Variants in SHOC1 observed in about 807,000 individuals in gnomAD.
SHOC1 encodes protein shortage in chiasmata 1 ortholog.
A neutral mutation model predicts 179.2 loss-of-function variants in SHOC1; 136 were observed. The ratio of observed to expected loss-of-function variants is 0.76; its 90% CI spans 0.66 to 0.87. SHOC1 has a LOEUF of 0.87. Ranked by LOEUF, SHOC1 falls within the 40% of genes least tolerant of loss-of-function variation. The pLI, the probability that SHOC1 is intolerant of heterozygous loss-of-function variation, is 0.00. For synonymous variants in SHOC1, 489 were observed against 586.6 expected, an observed-to-expected ratio of 0.83 and a Z score of 2.41; for missense variants, 1,538 against 1,700.8, an observed-to-expected ratio of 0.90 and a Z score of 1.68.
chr9:111,766,475 T>C (rs563663034), intron 5 of SHOC1, among the ~76,000 whole-genome samples: 21 of 152,348 alleles, frequency 1.4e-4, no homozygotes, highest in Middle Eastern at 3.4e-3. Context: ...CTCTCCATAG[T>C]GGCTGTTCTA....
intron 5 of SHOC1, chr9:111,759,621 A>G (rs1009346296): frequency 1.0e-6 from 1 of 976,148 alleles, no homozygotes; most frequent in Admixed American, 5.7e-5. Context: ...AGAGAAAAAG[A>G]AAAATATAAG....
rs1245540746 is a variant in SHOC1 at position 111,714,590 on chromosome 9, C to G, written c.2270G>C (p.Ser757Thr). The G allele has an allele frequency of 2.5e-6, 4 of 1,613,488 alleles. No individual in the cohort carries two copies. The highest frequency in any genetic ancestry group is 1.6e-4 in the Middle Eastern group (1 of 6,074). Residue 757 changes from serine to threonine, a missense_variant, in exon 17 of 28, where the codon AGC (serine) becomes ACC (threonine). Transcript: ENST00000682961. Reference protein sequence around the residue: ...YLSKAKDIYNSILGPYLGDIW... With the variant: ...YLSKAKDIYNTILGPYLGDIW... Reference sequence around the variant, plus strand: ...GTCACCCAAATAGGGGCCTAAAATGCTGTTGTAGATATCTTTTGCCTTCGA... The same window carrying G: ...GTCACCCAAATAGGGGCCTAAAATGGTGTTGTAGATATCTTTTGCCTTCGA...
At chr9:111,776,621 G>A (rs1234134829) in intron 4 of SHOC1, among the ~76,000 whole-genome samples, 1 of 152,178 alleles carries the variant, frequency 6.6e-6, no homozygotes, top group Non-Finnish European at 1.5e-5. Flanking sequence ...TTCAGCCATG[G>A]AAAGCACTGG....
rs369919326 is a variant in SHOC1 at position 111,718,251 on chromosome 9, G to A, written c.2169C>T (p.Ala723=). ...IDEREMTFKH[A]ALLHLLVTIR... ...TTGTTACCAGAAGATGTAAGAGAGCGGCATGCTTGAAAGTCATTTCTCTTT... is the reference window on the plus strand; with the variant it reads ...TTGTTACCAGAAGATGTAAGAGAGCAGCATGCTTGAAAGTCATTTCTCTTT... The change falls in exon 16 of 28, where the codon GCC becomes GCT. Residue 723 remains alanine, a synonymous_variant. Transcript: ENST00000682961. The A allele has an allele frequency of 2.6e-5, 42 of 1,594,492 alleles. No individual in the cohort carries two copies. The highest frequency in any genetic ancestry group is 4.6e-5 in the East Asian group (2 of 43,838).
intron 12 of SHOC1, among the ~76,000 whole-genome samples, chr9:111,730,839 C>A (rs546241507): frequency 6.6e-6 from 1 of 152,184 alleles, no homozygotes. Context: ...CTATAAAAGT[C>A]CTAGATAACA....
rs199587816 is a variant in SHOC1, at chr9:111,718,318, T to C, written c.2132-30A>G. The C allele has an allele frequency of 4.1e-5, 58 of 1,430,862 alleles. No homozygotes were observed. In the Admixed American group the frequency reaches 1.1e-3, roughly 27 times the overall value. The allele number at this position is 1,430,862 out of a possible 1,614,324, so 88.6% of individuals were successfully genotyped here. On this transcript the variant is annotated intron_variant, in intron 15 of 27. Transcript: ENST00000682961. ...GTAAGCAAAAATGTATTTTAAAACA[T>C]AGACTATACATTACAGTTTTAGAAT...
At chr9:111,786,131 A>G in intron 2 of SHOC1, 96 bp from the exon 3 acceptor site, 1 of 902,624 alleles carries the variant, frequency 1.1e-6, no homozygotes, top group Non-Finnish European at 1.5e-6. Flanking sequence ...AACTTATATG[A>G]TTTTTCTTTA....
chr9:111,715,301 T>TATTTGGGTAACAAATGAAATAATAA (rs1832733691), intron 16 of SHOC1, among the ~76,000 whole-genome samples: 1 of 152,206 alleles, frequency 6.6e-6, no homozygotes, highest in Non-Finnish European at 1.5e-5. Flanking sequence ...GTTTAATGAA[T>TATTTGGGTAACAAATGAAATAATAA]ATTTGGGTAA....
chr9:111,729,790 G>A (rs1207319576), intron 12 of SHOC1, among the ~76,000 whole-genome samples: 2 of 151,832 alleles, frequency 1.3e-5, no homozygotes, highest in African/African-American at 4.8e-5. Context: ...TACTCAGGAG[G>A]CTGAGGCAGG....
intron 16 of SHOC1, among the ~76,000 whole-genome samples, chr9:111,715,279 T>C (rs576887970): frequency 2.0e-5 from 3 of 152,328 alleles, no homozygotes; most frequent in South Asian, 2.1e-4. Context: ...TGGTAACTTA[T>C]GTAGATCAGG....
intron 14 of SHOC1, among the ~76,000 whole-genome samples, chr9:111,723,098 G>A (rs749641883): frequency 2.6e-5 from 4 of 151,988 alleles, no homozygotes; most frequent in African/African-American, 4.8e-5. Context: ...TTATTAGAGA[G>A]GATTTATTCC....
chr9:111,687,827 A>T (rs1157726565), intron 27 of SHOC1, among the ~76,000 whole-genome samples: 1 of 149,072 alleles, frequency 6.7e-6, no homozygotes, highest in Non-Finnish European at 1.5e-5. Context: ...CACTTGGGCT[A>T]ATTTTCTTCT....
intron 2 of SHOC1, among the ~76,000 whole-genome samples, chr9:111,786,724 G>C (rs1836275634): frequency 6.6e-6 from 1 of 152,104 alleles, no homozygotes; most frequent in Non-Finnish European, 1.5e-5. Flanking sequence ...TTGTTTGGGG[G>C]TGGCATGAAC....
At chr9:111,754,795 G>A (rs6477848) in intron 8 of SHOC1, among the ~76,000 whole-genome samples, 122,406 of 152,174 alleles carry the variant, frequency 0.8, 49,403 homozygotes, top group East Asian at 0.92. Flanking sequence ...GTACTGATAC[G>A]TTGGATAATG....
intron 15 of SHOC1, 81 bp from the exon 16 acceptor site, chr9:111,718,369 G>T: frequency 1.2e-6 from 1 of 846,886 alleles, no homozygotes. Flanking sequence ...CCTAATAATG[G>T]GAGCTAACAT....
At chr9:111,786,577 C>T (rs1836270704) in intron 2 of SHOC1, among the ~76,000 whole-genome samples, 1 of 145,476 alleles carries the variant, frequency 6.9e-6, no homozygotes, top group African/African-American at 2.6e-5. Flanking sequence ...TCTGTCTCTG[C>T]CATTTTTCCA....
chr9:111,719,774 G>C (rs770647779), intron 15 of SHOC1, among the ~76,000 whole-genome samples: 7 of 151,980 alleles, frequency 4.6e-5, no homozygotes, highest in African/African-American at 1.7e-4. Context: ...GTGACCTCGC[G>C]GTTTTGGTGA....
At chr9:111,757,360 C>T (rs1834914908) in intron 7 of SHOC1, among the ~76,000 whole-genome samples, 1 of 152,126 alleles carries the variant, frequency 6.6e-6, no homozygotes, top group African/African-American at 2.4e-5. Context: ...CCTCGGCCTC[C>T]CAAAGTGCTG....
chr9:111,722,459 C>T lies in SHOC1; in HGVS notation c.2081G>A (p.Arg694Lys), dbSNP rs746407451. The T allele has an allele frequency of 1.2e-6, 2 of 1,611,532 alleles. No individual in the cohort carries two copies. The highest frequency in any genetic ancestry group is 1.7e-5 in the Admixed American group (1 of 59,102). Reference protein sequence around the residue: ...KFATVIFDQTRFLLKEQEKVV... With the variant: ...KFATVIFDQTKFLLKEQEKVV... ...TTTTTCTTGTTCCTTTAAGAGAAAC[C>T]TTGTTTGGTCAAAAATAACAGTGGC... The change falls in exon 15 of 28, where the codon AGG (arginine) becomes AAG (lysine). Residue 694 changes from arginine (R) to lysine (K), a missense_variant. By Grantham distance (26) the Arg-to-Lys change is conservative (BLOSUM62 2). Transcript: ENST00000682961.
Sources: allele counts gnomAD v4.1 joint callset (sites outside exome capture counted in the v4.1 genomes callset), GRCh38; gene constraint gnomAD v4.1.1; transcripts MANE v1.5; gene names NCBI Gene and HGNC (gene_info 2026-07-23, HGNC 2026-07-21).